AFAP1: variants seen among roughly 807,000 people sequenced by gnomAD.
AFAP1 encodes the protein actin filament associated protein 1.
A neutral mutation model predicts 93.9 loss-of-function variants in AFAP1; 75 were observed. The observed-to-expected ratio is 0.80, with a 90% CI of 0.66 to 0.97. The LOEUF (loss-of-function observed/expected upper bound fraction) is 0.97. AFAP1 is among the 50% of genes least tolerant of loss of function. AFAP1 has a pLI of 0.00. For missense variants in AFAP1, 1,201 were observed against 1,050.8 expected, an observed-to-expected ratio of 1.14 and a Z score of -1.98; for synonymous variants, 517 against 430.7, an observed-to-expected ratio of 1.20 and a Z score of -2.48.
intron 1 of AFAP1, among the ~76,000 whole-genome samples, chr4:7,921,513 GACAA>G (rs1720442216): frequency 6.6e-6 from 1 of 151,754 alleles, no homozygotes; most frequent in Non-Finnish European, 1.5e-5. Context: ...CTATTAGACT[GACAA>G]ACAAAACATC....
chr4:7,865,959 C>T (rs184346290), intron 3 of AFAP1, among the ~76,000 whole-genome samples: 433 of 152,326 alleles, frequency 2.8e-3, no homozygotes, highest in Non-Finnish European at 5.1e-3. Context: ...TGCAGTGGCT[C>T]GATCTCAGCT....
In AFAP1 at chr4:7,821,646, G is replaced by A. The variant is rs552518861; in HGVS notation, c.727-2475C>T. ...TTCAAAATGTCTTCTATTCTTTTTAGGACTAAGCTGCAATTTCAGTTAAAC... is the reference window on the plus strand; with the variant it reads ...TTCAAAATGTCTTCTATTCTTTTTAAGACTAAGCTGCAATTTCAGTTAAAC... On this transcript the variant is annotated intron_variant, in intron 6 of 17. Coordinates refer to ENST00000420658, the MANE Select transcript of AFAP1 (RefSeq NM_001134647.2). Among the ~76,000 whole-genome samples, 6 of 152,282 alleles carry A rather than the reference G, an allele frequency of 3.9e-5. No homozygotes were observed. In the East Asian group the frequency reaches 1.2e-3, roughly 29 times the overall value.
chr4:7,938,421 T>C, intron 1 of AFAP1, among the ~76,000 whole-genome samples: 1 of 152,170 alleles, frequency 6.6e-6, no homozygotes, highest in East Asian at 1.9e-4. Context: ...TCCTGGGACA[T>C]AACAGGTTTT....
intron 1 of AFAP1, among the ~76,000 whole-genome samples, chr4:7,897,688 T>C (rs2149213796): frequency 6.6e-6 from 1 of 152,178 alleles, no homozygotes; most frequent in East Asian, 1.9e-4. Context: ...CACATCTGAC[T>C]AGTTTTTGTA....
intron 14 of AFAP1, chr4:7,776,393 T>TGC (rs1716124430): frequency 6.6e-6 from 1 of 152,056 alleles, no homozygotes; most frequent in African/African-American, 2.4e-5. Flanking sequence ...TGTATGTGTG[T>TGC]GTGCGTGCGT....
rs578089933 is a variant in AFAP1, at chr4:7,763,662, G to A, written c.*103C>T. 149 of 1,408,632 alleles carry A rather than the reference G, an allele frequency of 1.1e-4. No homozygotes were observed. The East Asian group carries it at 1.4e-3, about 13-fold the overall frequency. The allele number at this position is 1,408,632 out of a possible 1,614,324, so 87.3% of individuals were successfully genotyped here. ...GCTCAGTCGTGGAGCCTCTGGAGTC[G>A]TGCAGCTGAGGCCACTCTGGGCAGA... On this transcript the variant is annotated 3_prime_UTR_variant, in exon 18 of 18. Transcript: ENST00000420658.
At chr4:7,829,717 C>T (rs1403227531) in intron 6 of AFAP1, among the ~76,000 whole-genome samples, 3 of 152,178 alleles carry the variant, frequency 2.0e-5, no homozygotes, top group Admixed American at 6.5e-5. Flanking sequence ...GGCTAACACA[C>T]TCTATTGGCA....
At chr4:7,918,224 T>A (rs1048179158) in intron 1 of AFAP1, among the ~76,000 whole-genome samples, 5,555 of 106,938 alleles carry the variant, frequency 0.052, 224 homozygotes, top group Non-Finnish European at 0.071. Flanking sequence ...TGCTGCCGGA[T>A]GAGACACTCG....
chr4:7,866,847 C>A (rs1254056098), intron 3 of AFAP1, among the ~76,000 whole-genome samples: 1 of 150,170 alleles, frequency 6.7e-6, no homozygotes, highest in Non-Finnish European at 1.5e-5. Flanking sequence ...GACAGCAACA[C>A]AGTGAGACCC....
At chr4:7,804,588 C>G (rs113903637) in intron 9 of AFAP1, among the ~76,000 whole-genome samples, 9 of 152,240 alleles carry the variant, frequency 5.9e-5, no homozygotes, top group African/African-American at 1.9e-4. Flanking sequence ...GGATATGGGG[C>G]GTCGCGGGTC....
intron 1 of AFAP1, among the ~76,000 whole-genome samples, chr4:7,938,222 C>T (rs1010315277): frequency 1.6e-4 from 24 of 151,728 alleles, no homozygotes; most frequent in African/African-American, 5.8e-4. Flanking sequence ...CCGCATGACA[C>T]GCTAGAGGGC....
Position 7,768,749 on chromosome 4 carries a change from G to A in AFAP1, c.2418+95C>T, listed in dbSNP as rs1714974639. On this transcript the variant is annotated intron_variant, in intron 17 of 17. Coordinates refer to ENST00000420658, the MANE Select transcript of AFAP1 (RefSeq NM_001134647.2). ...GGCTGAGTGCCAAGTGGATGCAGTA[G>A]GAAGAAGAATGGGCTCCCTACTCAC... 1.0e-5 allele frequency: 14 copies of A among 1,394,728 alleles called. No homozygotes were observed. In the South Asian group the frequency reaches 1.0e-4, roughly 10 times the overall value. The allele number at this position is 1,394,728 out of a possible 1,614,324, so 86.4% of individuals were successfully genotyped here. A position where few individuals can be genotyped will look rare whatever the true frequency, so the allele number is the denominator to read the frequency against.
At chr4:7,782,761 A>G (rs1219507858) in intron 12 of AFAP1, among the ~76,000 whole-genome samples, 1 of 152,216 alleles carries the variant, frequency 6.6e-6, no homozygotes, top group Non-Finnish European at 1.5e-5. Context: ...ACCTTTTGTT[A>G]TAAAAATAGA....
intron 3 of AFAP1, among the ~76,000 whole-genome samples, chr4:7,859,768 G>A (rs1715462015): frequency 6.6e-6 from 1 of 152,156 alleles, no homozygotes; most frequent in East Asian, 1.9e-4. Flanking sequence ...TGGGCTTACA[G>A]TACTGGCCGT....
chr4:7,797,756 A>T (rs1160643758), intron 10 of AFAP1, among the ~76,000 whole-genome samples: 22 of 152,240 alleles, frequency 1.4e-4, no homozygotes, highest in Admixed American at 1.4e-3. Context: ...GACTGTGATC[A>T]TATTACACTG....
intron 1 of AFAP1, among the ~76,000 whole-genome samples, chr4:7,924,390 C>A (rs140371174): frequency 1.5e-4 from 23 of 152,334 alleles, no homozygotes; most frequent in African/African-American, 5.3e-4. Context: ...AGAACTGGAT[C>A]AACCACATAC....
chr4:7,919,155 C>T (rs916609291), intron 1 of AFAP1, among the ~76,000 whole-genome samples: 1 of 152,190 alleles, frequency 6.6e-6, no homozygotes, highest in Admixed American at 6.5e-5. Flanking sequence ...TCAGCCCGGC[C>T]CCCGGAAAGG....
chr4:7,888,630 T>C (rs1392696857), intron 1 of AFAP1, among the ~76,000 whole-genome samples: 1 of 152,206 alleles, frequency 6.6e-6, no homozygotes, highest in East Asian at 1.9e-4. Flanking sequence ...TAGTGAATTC[T>C]AGCAAATATT....
chr4:7,763,618 GACAGGC>G lies in AFAP1; in HGVS notation c.*141_*146del. ...AGAAAGAATACAAGTGGGCCTGGGG[GACAGGC>G]ACTGGCCTCAGAGCTCAGTCGTGGA... On this transcript the variant is annotated 3_prime_UTR_variant, in exon 18 of 18. Coordinates refer to ENST00000420658, the MANE Select transcript of AFAP1 (RefSeq NM_001134647.2). 5.0e-6 allele frequency: 4 copies of G among 805,698 alleles called. No homozygotes were observed. The highest frequency in any genetic ancestry group is 5.8e-6 in the Non-Finnish European group (3 of 517,730). 49.9% of individuals were successfully genotyped at this position (805,698 alleles called of 1,614,324 possible).
Sources: gnomAD v4.1 joint callset for allele counts (sites outside exome capture counted in the v4.1 genomes callset) on GRCh38, gnomAD v4.1.1 for gene constraint, MANE v1.5 for transcripts, NCBI Gene and HGNC (gene_info 2026-07-23, HGNC 2026-07-21) for gene names.